Variants in ZNF185 observed in about 807,000 individuals in gnomAD.
ZNF185 encodes zinc finger protein 185 with LIM domain, also known as zinc finger protein 185.
ZNF185 carries 56 observed loss-of-function variants against 58.6 expected under a neutral mutation model. The observed-to-expected ratio is 0.95, with a 90% CI of 0.77 to 1.19. The LOEUF is 1.19. Ranked by LOEUF, ZNF185 falls within the 50% of genes most tolerant of loss-of-function variation. ZNF185 has a pLI of 0.00. For synonymous variants in ZNF185, 230 were observed against 215.9 expected, an observed-to-expected ratio of 1.07 and a Z score of -0.57; for missense variants, 627 against 573.5, an observed-to-expected ratio of 1.09 and a Z score of -0.95.
At chrX:152,936,648 A>G in intron 14 of ZNF185, 135 bp downstream of exon 16, 1 of 527,119 alleles carries the variant, frequency 1.9e-6, no homozygotes, top group East Asian at 3.8e-5. Context: ...AGGTGATCAC[A>G]GCAAGACAGG....
chrX:152,912,838 G>A (rs892751779), upstream of ZNF185, among the ~76,000 whole-genome samples: 3 of 112,344 alleles, frequency 2.7e-5, no homozygotes, highest in Non-Finnish European at 5.6e-5. Context: ...AGGTTGCTGG[G>A]ATGGGGACAG....
At chrX:152,915,767 TA>T (rs782786591) in intron 3 of ZNF185, among the ~76,000 whole-genome samples, 55 of 112,392 alleles carry the variant, frequency 4.9e-4, no homozygotes, top group African/African-American at 1.7e-3. Flanking sequence ...TAACAGTGTC[TA>T]GGGGGGCTCT....
intron 16 of ZNF185, among the ~76,000 whole-genome samples, chrX:152,949,555 G>C (rs1603289978): frequency 8.9e-6 from 1 of 111,865 alleles, no homozygotes; most frequent in East Asian, 2.8e-4. Flanking sequence ...TTTAGAGTCT[G>C]TGGGCCAGGG....
At chrX:152,950,061 G>C (rs186866216) in intron 16 of ZNF185, among the ~76,000 whole-genome samples, 1 of 111,982 alleles carries the variant, frequency 8.9e-6, no homozygotes, top group Non-Finnish European at 1.9e-5. Context: ...ATGTAATTTG[G>C]GGGATAAAGG....
chrX:152,955,325 T>C (rs1240955861), intron 16 of ZNF185, among the ~76,000 whole-genome samples: 1 of 112,121 alleles, frequency 8.9e-6, no homozygotes, highest in Non-Finnish European at 1.9e-5. Flanking sequence ...CTATTACCCT[T>C]GTAAATGTAC....
chrX:152,949,844 G>T (rs1032489593), intron 16 of ZNF185, among the ~76,000 whole-genome samples: 1 of 111,923 alleles, frequency 8.9e-6, no homozygotes, highest in Non-Finnish European at 1.9e-5. Context: ...TGAGAGTCTA[G>T]ACACTAGGGA....
In ZNF185 at chrX:152,919,083, T is replaced by C; in HGVS notation, c.530+2T>C. 8.4e-7 allele frequency: 1 copy of C among 1,196,179 alleles called. No individual in the cohort carries two copies. Among genetic ancestry groups the C allele is most frequent in the Non-Finnish European group, 1.1e-6 (1 of 884,058 alleles). ...CTCCTCAGATGAACAGAAACGGAGG[T>C]AATGGAATGGTGCCTTTTGGGCATC... On this transcript the variant is annotated splice_donor_variant, in intron 7 of 22. Transcript: ENST00000449285. LOFTEE classifies it high-confidence loss of function.
exon 16 of ZNF185, chrX:152,945,355 G>C: frequency 8.3e-7 from 1 of 1,207,557 alleles, no homozygotes; most frequent in Non-Finnish European, 1.1e-6. Flanking sequence ...AGGTGGCCAA[G>C]GAGACCCAGC....
At chrX:152,907,783 C>T in the ZNF185 span, among the ~76,000 whole-genome samples, 117 of 112,799 alleles carry the variant, frequency 1.0e-3, 3 homozygotes, top group African/African-American at 3.6e-3. Flanking sequence ...GGGTGCACCA[C>T]GAGGGACAGT....
chrX:152,945,279 TTATGAGGGGAAGGA>T lies in ZNF185; in HGVS notation c.1226_1239del (p.Tyr409CysfsTer46). 8.3e-7 allele frequency: 1 copy of T among 1,208,906 alleles called. No homozygotes were observed. Among genetic ancestry groups the T allele is most frequent in the Non-Finnish European group, 1.1e-6 (1 of 894,150 alleles). Reference sequence around the variant, plus strand: ...TATTCTTCTTCAGGGCCTTGGCTGATTATGAGGGGAAGGATGTGGCCACCAGGGTCGGAGAGGCC... The same window carrying T: ...TATTCTTCTTCAGGGCCTTGGCTGATTGTGGCCACCAGGGTCGGAGAGGCC... On this transcript the variant is annotated frameshift_variant, in exon 16 of 23. Coordinates refer to ENST00000449285, the Ensembl canonical transcript of ZNF185. LOFTEE classifies it high-confidence loss of function.
chrX:152,917,967 C>A lies in ZNF185; in HGVS notation c.342-98C>A, dbSNP rs782397067. The stretch of plus-strand genomic sequence containing the variant: ...GCAAAGAGGAAAGGCTCCCAGGCAG[C>A]TCCTGGTCCACCTCTCATGTGTCCA... On this transcript the variant is annotated intron_variant, in intron 5 of 22. Transcript: ENST00000449285. The A allele has an allele frequency of 7.0e-6, 8 of 1,140,245 alleles. No homozygotes were observed. In the Admixed American group the frequency reaches 2.2e-4, roughly 31 times the overall value. The allele number at this position is 1,140,245 out of a possible 1,213,427, so 94.0% of individuals were successfully genotyped here.
intron 16 of ZNF185, among the ~76,000 whole-genome samples, chrX:152,948,705 T>A (rs1556897411): frequency 8.9e-6 from 1 of 112,246 alleles, no homozygotes; most frequent in Non-Finnish European, 1.9e-5. Flanking sequence ...ATGTGTCCTG[T>A]GAGTTCTTCT....
At chrX:152,923,460 T>A (rs1443709904) in intron 11 of ZNF185, among the ~76,000 whole-genome samples, 1 of 112,318 alleles carries the variant, frequency 8.9e-6, no homozygotes, top group African/African-American at 3.2e-5. Flanking sequence ...CCTCTCTTGA[T>A]CTTCTCTGGT....
chrX:152,950,481 A>G (rs12014284), intron 16 of ZNF185, among the ~76,000 whole-genome samples: 6,393 of 111,690 alleles, frequency 0.057, 469 homozygotes, highest in African/African-American at 0.2. Flanking sequence ...CACTGAGGAC[A>G]CTGAAACCCC....
intron 16 of ZNF185, among the ~76,000 whole-genome samples, chrX:152,957,073 A>ATTT (rs34728203): frequency 1.0e-5 from 1 of 97,431 alleles, no homozygotes; most frequent in Non-Finnish European, 2.1e-5. Flanking sequence ...TACAAGGTTA[A>ATTT]TTTTTTTTTT....
rs2049278897 is a variant in ZNF185 at position 152,959,799 on chromosome X, G to T, written c.1510G>T (p.Val504Leu). Residue 504 changes from valine (V) to leucine (L), a missense_variant, in exon 17 of 23, where the codon GTA becomes TTA. Transcript: ENST00000449285. ...AAGAGGTGGCCAAGGAGACCCAGCT[G>T]TACCCACTCAGCAACCTGCAGATCC... 9.9e-6 allele frequency: 12 copies of T among 1,211,934 alleles called. 1 individual carries two copies. Among genetic ancestry groups the T allele is most frequent in the African/African-American group, 8.6e-5 (5 of 57,934 alleles).
chrX:152,947,911 AAG>A (rs2047945218), intron 16 of ZNF185, among the ~76,000 whole-genome samples: 1 of 112,094 alleles, frequency 8.9e-6, no homozygotes, highest in African/African-American at 3.2e-5. Flanking sequence ...AAAAGAAAAA[AAG>A]AGGGGATATT....
At chrX:152,941,831 G>C (rs1290826638) in intron 15 of ZNF185, 1 of 1,154,381 alleles carries the variant, frequency 8.7e-7, no homozygotes, top group African/African-American at 1.8e-5. Flanking sequence ...CTTCCCCCGC[G>C]TAAGGTCTGA....
chrX:152,956,994 C>A (rs34992490), intron 16 of ZNF185, among the ~76,000 whole-genome samples: 1 of 111,680 alleles, frequency 9.0e-6, no homozygotes, highest in African/African-American at 3.3e-5. Flanking sequence ...GCTTTTATGT[C>A]CATGTTCAAT....
Sources: allele counts gnomAD v4.1 joint callset (sites outside exome capture counted in the v4.1 genomes callset), GRCh38; gene constraint gnomAD v4.1.1; transcripts MANE v1.5; gene names NCBI Gene and HGNC (gene_info 2026-07-23, HGNC 2026-07-21).